Variants in PTPRN2 observed in about 807,000 individuals in gnomAD.
The protein encoded by PTPRN2 is receptor-type tyrosine-protein phosphatase N2.
Under a neutral mutation model 118.8 loss-of-function variants are expected in PTPRN2, and 74 were observed. That is an observed-to-expected ratio of 0.62 (90% CI 0.52 to 0.76). PTPRN2 has a LOEUF of 0.76. Ranked by LOEUF, PTPRN2 falls within the 30% of genes least tolerant of loss-of-function variation. The probability of loss-of-function intolerance (pLI) is 0.00; values close to 1 mark genes in which losing one functional copy is unlikely to be tolerated. For missense variants in PTPRN2, 1,481 were observed against 1,394.4 expected, an observed-to-expected ratio of 1.06 and a Z score of -0.99; for synonymous variants, 641 against 608.0, an observed-to-expected ratio of 1.05 and a Z score of -0.80.
intron 2 of PTPRN2, among the ~76,000 whole-genome samples, chr7:158,322,041 G>C (rs1803065740): frequency 6.6e-6 from 1 of 152,140 alleles, no homozygotes; most frequent in Non-Finnish European, 1.5e-5. Context: ...TGCAGCGTTG[G>C]GTGCTCTCAT....
chr7:158,231,175 G>A (rs766634709), intron 3 of PTPRN2, among the ~76,000 whole-genome samples: 2 of 152,156 alleles, frequency 1.3e-5, no homozygotes, highest in Non-Finnish European at 2.9e-5. Flanking sequence ...GCTGAGGTGG[G>A]AGGATCACTT....
At chr7:157,624,744 T>C (rs1319263936) in intron 14 of PTPRN2, among the ~76,000 whole-genome samples, 2 of 152,234 alleles carry the variant, frequency 1.3e-5, no homozygotes, top group East Asian at 1.9e-4. Context: ...TGGACAAGTA[T>C]AGCAACTCTA....
rs558709269 is a variant in PTPRN2, at chr7:157,994,640, G to A, written c.1723+86658C>T. On this transcript the variant is annotated intron_variant, in intron 11 of 22. Coordinates refer to ENST00000389418, the MANE Select transcript of PTPRN2 (RefSeq NM_002847.5). ...ACTCCTGGTTCCTAAAATCAACGCC[G>A]TGTCCCCAGCTTACAGCTCCTTGTT... 3.3e-3 allele frequency among the ~76,000 whole-genome samples: 465 copies of A among 142,142 alleles called. 9 individuals carry two copies. The highest frequency in any genetic ancestry group is 0.012 in the African/African-American group (435 of 35,838). 93.3% of individuals were successfully genotyped at this position (142,142 alleles called of 152,430 possible).
rs968859748 is a variant in PTPRN2, at chr7:157,779,840, A to G, written c.1789-96903T>C. ...TGATTTCATTCTCCCTGGTTGCTGA[A>G]AATGAGCAGTGTGTGTCCTCCCAAG... On this transcript the variant is annotated intron_variant, in intron 12 of 22. Coordinates refer to ENST00000389418, the MANE Select transcript of PTPRN2 (RefSeq NM_002847.5). The surrounding 1 kb of genome is among the most constrained non-coding windows in gnomAD (Gnocchi z 4.7). Among the ~76,000 whole-genome samples the G allele has an allele frequency of 1.3e-5, 2 of 152,200 alleles. No individual in the cohort carries two copies. The highest frequency in any genetic ancestry group is 4.8e-5 in the African/African-American group (2 of 41,454).
At chr7:158,150,501 G>A (rs1230608914) in intron 6 of PTPRN2, among the ~76,000 whole-genome samples, 1 of 152,158 alleles carries the variant, frequency 6.6e-6, no homozygotes, top group African/African-American at 2.4e-5. Context: ...GACCTTCACT[G>A]CAAAGCTAAC....
At chr7:157,995,513 A>C (rs746127634) in intron 11 of PTPRN2, among the ~76,000 whole-genome samples, 2 of 152,268 alleles carry the variant, frequency 1.3e-5, no homozygotes, top group Non-Finnish European at 2.9e-5. Flanking sequence ...TGCCCAATTC[A>C]ATGAGCATTT....
At chr7:158,127,483 G>A (rs766692487) in intron 9 of PTPRN2, among the ~76,000 whole-genome samples, 5 of 152,150 alleles carry the variant, frequency 3.3e-5, no homozygotes, top group East Asian at 1.9e-4. Context: ...CGGGGCTGCC[G>A]TGGGACCCTG....
chr7:158,396,400 CTGTG>C (rs371326690), intron 2 of PTPRN2, among the ~76,000 whole-genome samples: 88 of 152,158 alleles, frequency 5.8e-4, no homozygotes, highest in South Asian at 5.2e-3. Flanking sequence ...GAGGTGAAGT[CTGTG>C]TGTGTGTGTA....
intron 12 of PTPRN2, among the ~76,000 whole-genome samples, chr7:157,838,215 T>C (rs1358109586): frequency 2.3e-5 from 3 of 128,150 alleles, no homozygotes; most frequent in East Asian, 2.5e-4. Context: ...TCCTCTCCAC[T>C]ATGCCTACTC....
intron 11 of PTPRN2, among the ~76,000 whole-genome samples, chr7:157,900,703 G>T (rs1175797334): frequency 6.6e-6 from 1 of 152,174 alleles, no homozygotes; most frequent in Non-Finnish European, 1.5e-5. Context: ...GGCCCTACAT[G>T]TGCTCAGGGG....
At chr7:158,566,915 T>C (rs1207531359) in intron 1 of PTPRN2, among the ~76,000 whole-genome samples, 1 of 152,158 alleles carries the variant, frequency 6.6e-6, no homozygotes, top group Non-Finnish European at 1.5e-5. Context: ...GGTTTCACCA[T>C]ATTGGCCAGG....
chr7:158,402,824 C>T (rs538740666), intron 2 of PTPRN2, among the ~76,000 whole-genome samples: 9 of 152,264 alleles, frequency 5.9e-5, no homozygotes, highest in Non-Finnish European at 1.0e-4. Flanking sequence ...GGGGGCTCAA[C>T]CCAGGCCAGG....
chr7:157,554,990 C>T (rs1008222238), intron 21 of PTPRN2, among the ~76,000 whole-genome samples: 46 of 151,520 alleles, frequency 3.0e-4, no homozygotes, highest in African/African-American at 1.0e-3. Flanking sequence ...GTGTGGCGGG[C>T]GTCCCAGTGT....
intron 15 of PTPRN2, among the ~76,000 whole-genome samples, chr7:157,604,599 A>G (rs1351197098): frequency 1.3e-5 from 2 of 152,250 alleles, no homozygotes; most frequent in African/African-American, 2.4e-5. Context: ...TTCAAAATAG[A>G]AAGTTTCATA....
At chr7:158,429,746 C>G (rs1816016727) in intron 2 of PTPRN2, among the ~76,000 whole-genome samples, 1 of 152,198 alleles carries the variant, frequency 6.6e-6, no homozygotes, top group South Asian at 2.1e-4. Context: ...TTATTAAATG[C>G]AATCTTAATA....
intron 11 of PTPRN2, among the ~76,000 whole-genome samples, chr7:157,926,987 G>A (rs111961085): frequency 5.1e-5 from 5 of 98,632 alleles, no homozygotes; most frequent in African/African-American, 1.4e-4. Context: ...CCAGGGACCC[G>A]TCTGAGAGCA....
At chr7:157,726,799 T>G (rs1340436500) in intron 12 of PTPRN2, among the ~76,000 whole-genome samples, 1 of 152,176 alleles carries the variant, frequency 6.6e-6, no homozygotes. Flanking sequence ...CTTCCACAAC[T>G]CAACTACAAT....
At chr7:158,508,575 C>A (rs1038961264) in intron 1 of PTPRN2, among the ~76,000 whole-genome samples, 4 of 151,724 alleles carry the variant, frequency 2.6e-5, no homozygotes, top group Non-Finnish European at 5.9e-5. Context: ...GGAGCAGGTG[C>A]GGAAGTGGCT....
At chr7:158,367,449 T>C (rs1213541645) in intron 2 of PTPRN2, among the ~76,000 whole-genome samples, 1 of 152,200 alleles carries the variant, frequency 6.6e-6, no homozygotes, top group Non-Finnish European at 1.5e-5. Context: ...ACGGCCATCA[T>C]GGGCAGGAGG....
Sources: allele counts gnomAD v4.1 joint callset (sites outside exome capture counted in the v4.1 genomes callset), GRCh38; gene constraint gnomAD v4.1.1; non-coding constraint Gnocchi (gnomAD v3.1); transcripts MANE v1.5; gene names NCBI Gene and HGNC (gene_info 2026-07-23, HGNC 2026-07-21).